PTPN9: variants seen among roughly 807,000 people sequenced by gnomAD.
PTPN9 encodes the protein tyrosine-protein phosphatase non-receptor type 9.
Under a neutral mutation model 69.8 loss-of-function variants are expected in PTPN9, and 26 were observed. The observed-to-expected ratio is 0.37, with a 90% CI of 0.27 to 0.52. The LOEUF (loss-of-function observed/expected upper bound fraction) is 0.52. Ranked by LOEUF, PTPN9 falls within the 20% of genes least tolerant of loss-of-function variation. PTPN9 has a pLI of 0.91. For missense variants in PTPN9, 549 were observed against 740.3 expected (o/e 0.74, Z 3.00); for synonymous variants, 274 against 272.5 (o/e 1.01, Z -0.05).
chr15:75,470,692 A>C lies in PTPN9; in HGVS notation c.1347T>G (p.Ile449Met). The C allele has an allele frequency of 1.2e-6, 2 of 1,614,074 alleles. No individual in the cohort carries two copies. Among genetic ancestry groups the C allele is most frequent in the Non-Finnish European group, 1.7e-6 (2 of 1,179,966 alleles). The change falls in exon 11 of 13, where the codon ATT becomes ATG. Residue 449 changes from isoleucine to methionine, a missense_variant. By Grantham distance (10) the Ile-to-Met change is conservative (BLOSUM62 1). This residue lies in a region of PTPN9 where 457 missense variants were observed against 661.9 expected (regional missense o/e 0.69). Coordinates refer to ENST00000618819, the MANE Select transcript of PTPN9 (RefSeq NM_002833.4). The part of the protein sequence containing the change: ...MNHYKKTTLE[I>M]HNTEERQKRQ... ...AACCTGGATTTACCTCTGTGTTGTGAATTTCTAGCGTTGTTTTCTTATAAT... is the reference window on the plus strand; with the variant it reads ...AACCTGGATTTACCTCTGTGTTGTGCATTTCTAGCGTTGTTTTCTTATAAT...
chr15:75,514,181 T>C (rs1478510529), intron 5 of PTPN9, among the ~76,000 whole-genome samples: 1 of 151,956 alleles, frequency 6.6e-6, no homozygotes, highest in Non-Finnish European at 1.5e-5. Flanking sequence ...TTTTTTTTTT[T>C]TCTTTTGGAT....
chr15:75,505,860 G>A lies in PTPN9; in HGVS notation c.783C>T (p.Phe261=). 3.7e-6 allele frequency: 6 copies of A among 1,614,154 alleles called. No individual in the cohort carries two copies. The highest frequency in any genetic ancestry group is 2.2e-5 in the East Asian group (1 of 44,878). Residue 261 remains phenylalanine (F), a synonymous_variant, in exon 7 of 13, where the codon TTC becomes TTT. Coordinates refer to ENST00000618819, the MANE Select transcript of PTPN9 (RefSeq NM_002833.4). ...GGAGGGAGAACAGGATGATCTCATC[G>A]AAGGGATCTGGGTGGCCGTTCACCT... is the stretch of plus-strand genomic sequence containing the variant. ...LPQVNGHPDP[F]DEIILFSLPP... is the part of the protein sequence containing the mutation.
intron 1 of PTPN9, among the ~76,000 whole-genome samples, 163 bp downstream of exon 1, chr15:75,578,551 G>A (rs1261162201): frequency 6.6e-6 from 1 of 152,186 alleles, no homozygotes; most frequent in Non-Finnish European, 1.5e-5. Flanking sequence ...CGAGGGGGTG[G>A]CGGCCTGGGG....
intron 1 of PTPN9, among the ~76,000 whole-genome samples, chr15:75,556,317 C>G (rs1340303187): frequency 1.3e-5 from 2 of 151,880 alleles, no homozygotes; most frequent in Non-Finnish European, 2.9e-5. Flanking sequence ...CCTGCCTCGG[C>G]CTCCCAAAGT....
intron 5 of PTPN9, among the ~76,000 whole-genome samples, chr15:75,513,827 G>T (rs137872547): frequency 4.6e-5 from 7 of 151,816 alleles, no homozygotes; most frequent in African/African-American, 1.7e-4. Flanking sequence ...GGCTGGGCAC[G>T]GTGGCTCACG....
chr15:75,559,219 C>A (rs1445355198), intron 1 of PTPN9, among the ~76,000 whole-genome samples: 1 of 152,130 alleles, frequency 6.6e-6, no homozygotes, highest in Non-Finnish European at 1.5e-5. Flanking sequence ...GCAGCCGCCC[C>A]GTCTAAGAAG....
At chr15:75,523,349 A>T in intron 3 of PTPN9, 104 bp from the exon 4 acceptor site, 1 of 1,272,234 alleles carries the variant, frequency 7.9e-7, no homozygotes, top group African/African-American at 1.5e-5. Context: ...TAGAAAACAG[A>T]TGCTAACAAT....
At position 75,467,923 on chromosome 15, in the gene PTPN9, C is replaced by A. The variant is rs188129954; in HGVS notation, c.*846G>T. On this transcript the variant is annotated 3_prime_UTR_variant, in exon 13 of 13. Coordinates refer to ENST00000618819, the MANE Select transcript of PTPN9 (RefSeq NM_002833.4). ...CAGTGTCACCACAAACTAATACATT[C>A]TTGGCTCCAACAGGTGGCAACTGGA... 3.0e-4 allele frequency: 46 copies of A among 152,760 alleles called. No homozygotes were observed. The highest frequency in any genetic ancestry group is 1.0e-3 in the African/African-American group (43 of 41,568). The allele number at this position is 152,760 out of a possible 1,614,324, so 9.5% of individuals were successfully genotyped here.
At chr15:75,489,092 G>A (rs542084421) in intron 8 of PTPN9, among the ~76,000 whole-genome samples, 45 of 147,750 alleles carry the variant, frequency 3.0e-4, no homozygotes, top group Non-Finnish European at 2.7e-4. Context: ...GGAGAATGGC[G>A]TGAACCTGGG....
Position 75,524,227 on chromosome 15 carries a change from A to G in PTPN9, c.279T>C (p.Ser93=). 6.2e-7 allele frequency: 1 copy of G among 1,609,610 alleles called. No homozygotes were observed. The highest frequency in any genetic ancestry group is 8.5e-7 in the Non-Finnish European group (1 of 1,176,360). Residue 93 remains serine (S), a synonymous_variant, in exon 3 of 13, where the codon AGT becomes AGC. Transcript: ENST00000618819. ...HEEPLRSEIL[S]GKFTILNVRD... ...CACTCACTAAGATGGTGAATTTTCC[A>G]CTGAGGATCTCAGAACGAAGAGGTT... is the stretch of plus-strand genomic sequence containing the variant.
Position 75,468,784 on chromosome 15 carries a change from G to A in PTPN9, c.1767C>T (p.Ala589=), listed in dbSNP as rs374442038. Reference sequence around the variant, plus strand: ...CGTAGGAGAGTTACTGACTCTCCACGGCCAGCAGGTTTTGGCCAGAGGATA... The same window carrying A: ...CGTAGGAGAGTTACTGACTCTCCACAGCCAGCAGGTTTTGGCCAGAGGATA... The part of the protein sequence containing the change: ...GMVSSGQNLL[A]VESQ Residue 589 remains alanine (A), a synonymous_variant, in exon 13 of 13, where the codon GCC becomes GCT. Transcript: ENST00000618819. 2.9e-5 allele frequency: 47 copies of A among 1,613,910 alleles called. No homozygotes were observed. The East Asian group carries it at 7.6e-4, about 26-fold the overall frequency.
rs371261696 is a variant in PTPN9 at position 75,493,568 on chromosome 15, C to T, written c.969-3267G>A. Among the ~76,000 whole-genome samples, 31 of 152,132 alleles carry T rather than the reference C, an allele frequency of 2.0e-4. No individual in the cohort carries two copies. In the East Asian group the frequency reaches 5.8e-3, roughly 28 times the overall value. The stretch of plus-strand genomic sequence containing the variant: ...TTGAGGTCAGAAGTTTAAGACCAGC[C>T]TGGCCAACATGTTGAAACTCGTCTC... On this transcript the variant is annotated intron_variant, in intron 7 of 12. Coordinates refer to ENST00000618819, the MANE Select transcript of PTPN9 (RefSeq NM_002833.4).
chr15:75,562,794 A>C (rs1236221796), intron 1 of PTPN9, among the ~76,000 whole-genome samples: 2 of 65,880 alleles, frequency 3.0e-5, no homozygotes, highest in African/African-American at 2.6e-4. Flanking sequence ...CTCGTTTCAA[A>C]AAAAAAAAAA....
chr15:75,471,046 C>G (rs896617871), intron 10 of PTPN9: 5 of 555,620 alleles, frequency 9.0e-6, no homozygotes, highest in Non-Finnish European at 1.6e-5. Flanking sequence ...ATATAGCAGA[C>G]AGTTACTGAG....
rs183735982 is a variant in PTPN9, at chr15:75,537,363, A to G, written c.64-10102T>C. Among the ~76,000 whole-genome samples the G allele has an allele frequency of 2.1e-3, 310 of 147,114 alleles. 2 individuals are homozygous for G. The highest frequency in any genetic ancestry group is 3.7e-3 in the Non-Finnish European group (251 of 66,940). ...TGAGACTCCGTCTCAAAAAAAAAAA[A>G]AAAAAAAAACTAGTGATTGCTGAAA... On this transcript the variant is annotated intron_variant, in intron 1 of 12. Transcript: ENST00000618819.
At chr15:75,503,591 G>A (rs1595954871) in intron 7 of PTPN9, among the ~76,000 whole-genome samples, 2 of 139,674 alleles carry the variant, frequency 1.4e-5, no homozygotes, top group African/African-American at 5.3e-5. Context: ...CCGGGAGGGA[G>A]GTGGGGGGGT....
intron 8 of PTPN9, among the ~76,000 whole-genome samples, chr15:75,488,636 T>TA (rs1567476118): frequency 6.7e-6 from 1 of 150,222 alleles, no homozygotes; most frequent in Admixed American, 6.7e-5. Context: ...AAAATAAAAT[T>TA]AAAAAAAATC....
At chr15:75,564,438 CA>C (rs781064905) in intron 1 of PTPN9, among the ~76,000 whole-genome samples, 1 of 151,034 alleles carries the variant, frequency 6.6e-6, no homozygotes, top group African/African-American at 2.4e-5. Flanking sequence ...ACTAAAAATA[CA>C]AAAAAAATTA....
intron 1 of PTPN9, among the ~76,000 whole-genome samples, chr15:75,564,299 A>T (rs1251791139): frequency 6.6e-6 from 1 of 152,074 alleles, no homozygotes; most frequent in Non-Finnish European, 1.5e-5. Context: ...GAAAAATAAA[A>T]ATGACACCAC....
Sources: gnomAD v4.1 joint callset for allele counts (sites outside exome capture counted in the v4.1 genomes callset) on GRCh38, gnomAD v4.1.1 for gene constraint, gnomAD v4.1.1 regional missense constraint, MANE v1.5 for transcripts, NCBI Gene and HGNC (gene_info 2026-07-23, HGNC 2026-07-21) for gene names.